Variants in ABTB2 observed in about 807,000 individuals in gnomAD.
The protein encoded by ABTB2 is ankyrin repeat and BTB domain containing 2.
A neutral mutation model predicts 104.1 loss-of-function variants in ABTB2; 56 were observed. The ratio of observed to expected loss-of-function variants is 0.54; its 90% CI spans 0.43 to 0.67. The LOEUF (loss-of-function observed/expected upper bound fraction) is 0.67. ABTB2 is among the 30% of genes least tolerant of loss of function. The pLI, the probability that ABTB2 is intolerant of heterozygous loss-of-function variation, is 0.00. For synonymous variants in ABTB2, 606 were observed against 608.2 expected (o/e 1.00, Z 0.05); for missense variants, 1,279 against 1,407.7 (o/e 0.91, Z 1.46).
Position 34,357,982 on chromosome 11 carries a change from C to G in ABTB2, c.-399G>C, listed in dbSNP as rs1332490701. 5 of 191,378 alleles carry G rather than the reference C, an allele frequency of 2.6e-5. No homozygotes were observed. Among genetic ancestry groups the G allele is most frequent in the South Asian group, 1.6e-4 (1 of 6,192 alleles). The allele number at this position is 191,378 out of a possible 1,614,324, so 11.9% of individuals were successfully genotyped here. On this transcript the variant is annotated 5_prime_UTR_variant, in exon 1 of 17. Coordinates refer to ENST00000435224, the MANE Select transcript of ABTB2 (RefSeq NM_145804.3). ...GGCGCAGCGCGAGTCCGGGACCAGCCGGCGAGAAAGCGCTCTGCAAACTTC... is the reference window on the plus strand; with the variant it reads ...GGCGCAGCGCGAGTCCGGGACCAGCGGGCGAGAAAGCGCTCTGCAAACTTC...
chr11:34,190,446 T>C (rs1424911824), intron 3 of ABTB2, among the ~76,000 whole-genome samples: 1 of 152,152 alleles, frequency 6.6e-6, no homozygotes, highest in Non-Finnish European at 1.5e-5. Context: ...TGGGTTTTGC[T>C]CATTTGTTTA....
At chr11:34,354,770 T>C (rs742634) in intron 1 of ABTB2, among the ~76,000 whole-genome samples, 20,566 of 152,256 alleles carry the variant, frequency 0.14, 2,278 homozygotes, top group East Asian at 0.37. Context: ...TGTTTTGCAT[T>C]TACAGTTCCA....
chr11:34,243,269 T>G (rs1038381877), intron 1 of ABTB2, among the ~76,000 whole-genome samples: 7 of 152,186 alleles, frequency 4.6e-5, no homozygotes. Context: ...TGTTGACCTC[T>G]GGCAAATATA....
intron 1 of ABTB2, among the ~76,000 whole-genome samples, chr11:34,243,454 C>A (rs762556844): frequency 6.6e-6 from 1 of 152,126 alleles, no homozygotes; most frequent in Non-Finnish European, 1.5e-5. Context: ...AATCTCTTAA[C>A]CCTACTAAAC....
At chr11:34,325,888 T>C (rs1855063546) in intron 1 of ABTB2, among the ~76,000 whole-genome samples, 1 of 150,394 alleles carries the variant, frequency 6.6e-6, no homozygotes, top group Non-Finnish European at 1.5e-5. Flanking sequence ...GAGGTGGAGG[T>C]TGCAGTAAGC....
chr11:34,206,120 G>A (rs1190185946), intron 1 of ABTB2, among the ~76,000 whole-genome samples: 1 of 152,218 alleles, frequency 6.6e-6, no homozygotes, highest in Non-Finnish European at 1.5e-5. Context: ...AGCACTTTGG[G>A]AGGCTGAGGT....
At chr11:34,315,108 C>G (rs1404662643) in intron 1 of ABTB2, among the ~76,000 whole-genome samples, 2 of 152,354 alleles carry the variant, frequency 1.3e-5, no homozygotes, top group South Asian at 2.1e-4. Context: ...CCTGCACTCG[C>G]GCGAGCCTGC....
intron 1 of ABTB2, among the ~76,000 whole-genome samples, chr11:34,310,229 C>T (rs1464225441): frequency 6.6e-6 from 1 of 152,168 alleles, no homozygotes; most frequent in Admixed American, 6.5e-5. Context: ...TCTTCAGATC[C>T]ATTATCCCAT....
chr11:34,200,856 T>G (rs529306054), intron 2 of ABTB2, among the ~76,000 whole-genome samples: 1 of 152,138 alleles, frequency 6.6e-6, no homozygotes, highest in Non-Finnish European at 1.5e-5. Flanking sequence ...ACTAAAAGTG[T>G]GGTCTGTGAA....
At chr11:34,190,055 C>T (rs1024228957) in intron 3 of ABTB2, among the ~76,000 whole-genome samples, 1 of 152,212 alleles carries the variant, frequency 6.6e-6, no homozygotes, top group African/African-American at 2.4e-5. Context: ...GCCTGGCCAA[C>T]ATGGCAAAAC....
chr11:34,179,731 C>A (rs1590208943), intron 3 of ABTB2, among the ~76,000 whole-genome samples: 1 of 152,116 alleles, frequency 6.6e-6, no homozygotes, highest in African/African-American at 2.4e-5. Flanking sequence ...TTGTGAGAGC[C>A]CTTTTGCTTT....
chr11:34,244,511 G>A (rs943616191), intron 1 of ABTB2, among the ~76,000 whole-genome samples: 1 of 152,172 alleles, frequency 6.6e-6, no homozygotes, highest in Admixed American at 6.5e-5. Context: ...AACTGAACGA[G>A]CACTTACTTG....
intron 1 of ABTB2, among the ~76,000 whole-genome samples, chr11:34,248,096 TAAAAAAAAAAAAAAA>T (rs1157412906): frequency 1.7e-5 from 2 of 116,234 alleles, no homozygotes; most frequent in Admixed American, 9.7e-5. Flanking sequence ...TAATTTTTCT[TAAAAAAAAAAAAAAA>T]AAAAAAAAAA....
chr11:34,315,130 T>G (rs1854910354), intron 1 of ABTB2, among the ~76,000 whole-genome samples: 1 of 152,206 alleles, frequency 6.6e-6, no homozygotes. Context: ...TTCTGGACAG[T>G]GCATTTGCAT....
intron 1 of ABTB2, among the ~76,000 whole-genome samples, chr11:34,281,681 G>A (rs1327194918): frequency 1.3e-5 from 2 of 152,222 alleles, no homozygotes; most frequent in African/African-American, 4.8e-5. Flanking sequence ...GTTCCAGTAT[G>A]TTGATAGCTT....
In ABTB2 at chr11:34,173,985, G is replaced by A. The variant is rs145554381; in HGVS notation, c.1245-678C>T. Among the ~76,000 whole-genome samples the A allele has an allele frequency of 8.6e-3, 1,303 of 152,228 alleles. 10 individuals carry two copies. The highest frequency in any genetic ancestry group is 0.014 in the Middle Eastern group (4 of 294). Reference sequence around the variant, plus strand: ...TCATCTGGCACCTAGACTGAGGTGGGCTGACACCACTTCGTGTGCCAGGCC... The same window carrying A: ...TCATCTGGCACCTAGACTGAGGTGGACTGACACCACTTCGTGTGCCAGGCC... On this transcript the variant is annotated intron_variant, in intron 3 of 16. Transcript: ENST00000435224.
chr11:34,229,173 A>G (rs557707744), intron 1 of ABTB2, among the ~76,000 whole-genome samples: 33 of 149,400 alleles, frequency 2.2e-4, no homozygotes, highest in African/African-American at 8.1e-4. Context: ...TCATTTAGTG[A>G]TGATTCTTTA....
intron 1 of ABTB2, among the ~76,000 whole-genome samples, chr11:34,244,828 C>T (rs781068387): frequency 1.3e-5 from 2 of 152,014 alleles, no homozygotes; most frequent in Non-Finnish European, 2.9e-5. Flanking sequence ...GGTTACATGG[C>T]AAAACCACGT....
intron 1 of ABTB2, among the ~76,000 whole-genome samples, chr11:34,264,736 G>A (rs1854227700): frequency 6.6e-6 from 1 of 152,198 alleles, no homozygotes; most frequent in South Asian, 2.1e-4. Context: ...ACATTAAACT[G>A]TTCGAAGCGT....
Sources: allele counts gnomAD v4.1 joint callset (sites outside exome capture counted in the v4.1 genomes callset), GRCh38; gene constraint gnomAD v4.1.1; transcripts MANE v1.5; gene names NCBI Gene and HGNC (gene_info 2026-07-23, HGNC 2026-07-21).